The following DNAH7 variants were observed in gnomAD, a reference collection of about 807,000 sequenced individuals.
DNAH7 encodes the protein dynein axonemal heavy chain 7.
A neutral mutation model predicts 444.6 loss-of-function variants in DNAH7; 397 were observed. The observed-to-expected ratio is 0.89, with a 90% CI of 0.82 to 0.97. The LOEUF (loss-of-function observed/expected upper bound fraction) is 0.97, where lower values mean the gene tolerates loss of function less well. Among genes scored for constraint, DNAH7 ranks in the 50% least tolerant of loss-of-function variants. The probability of loss-of-function intolerance (pLI) is 0.00; values close to 1 mark genes in which losing one functional copy is unlikely to be tolerated. For missense variants in DNAH7, 4,902 were observed against 4,800.8 expected (o/e 1.02, Z -0.62); for synonymous variants, 1,636 against 1,624.4 (o/e 1.01, Z -0.17).
intron 22 of DNAH7, 21 bp downstream of exon 22, chr2:195,926,405 C>G: frequency 2.0e-6 from 3 of 1,483,104 alleles, no homozygotes; most frequent in South Asian, 1.5e-5. Flanking sequence ...TAAAAAAACC[C>G]GAGGGTTAAT....
At chr2:195,842,794 A>G (rs1698764562) in intron 47 of DNAH7, among the ~76,000 whole-genome samples, 1 of 152,144 alleles carries the variant, frequency 6.6e-6, no homozygotes, top group South Asian at 2.1e-4. Flanking sequence ...ATCCATCAAC[A>G]GTTCTATTAT....
At chr2:195,929,364 G>A (rs988867654) in intron 21 of DNAH7, among the ~76,000 whole-genome samples, 1 of 152,040 alleles carries the variant, frequency 6.6e-6, no homozygotes, top group African/African-American at 2.4e-5. Flanking sequence ...CACAGAACTG[G>A]AAAAAACCAT....
intron 63 of DNAH7, among the ~76,000 whole-genome samples, chr2:195,741,349 T>C (rs985127206): frequency 1.3e-5 from 2 of 152,356 alleles, no homozygotes; most frequent in Non-Finnish European, 2.9e-5. Flanking sequence ...GAATTTATTC[T>C]TACTGCCAAG....
chr2:195,967,165 ATATCT>A (rs1442107370), intron 17 of DNAH7, among the ~76,000 whole-genome samples: 3 of 152,130 alleles, frequency 2.0e-5, no homozygotes, highest in Non-Finnish European at 4.4e-5. Context: ...CTTGAAAATA[ATATCT>A]TATAACCCAT....
Position 195,919,508 on chromosome 2 carries a change from C to T in DNAH7, c.3935+2580G>A, listed in dbSNP as rs559539965. On this transcript the variant is annotated intron_variant, in intron 24 of 64. Coordinates refer to ENST00000312428, the MANE Select transcript of DNAH7 (RefSeq NM_018897.3). ...TACAGATGCACACCACCCCACCCAGCTAATTTTTATATTTTTAGTAGAGAC... is the reference window on the plus strand; with the variant it reads ...TACAGATGCACACCACCCCACCCAGTTAATTTTTATATTTTTAGTAGAGAC... 8.6e-5 allele frequency among the ~76,000 whole-genome samples: 13 copies of T among 151,990 alleles called. No homozygotes were observed. In the South Asian group the frequency reaches 2.7e-3, roughly 32 times the overall value.
At chr2:195,921,577 A>T (rs1360361243) in intron 24 of DNAH7, among the ~76,000 whole-genome samples, 3 of 152,100 alleles carry the variant, frequency 2.0e-5, no homozygotes, top group African/African-American at 7.2e-5. Flanking sequence ...GGCACAATGG[A>T]CTTTAGCGAC....
At chr2:196,065,529 C>T (rs1698383962) in intron 1 of DNAH7, among the ~76,000 whole-genome samples, 1 of 152,166 alleles carries the variant, frequency 6.6e-6, no homozygotes, top group African/African-American at 2.4e-5. Context: ...AGGCTGAATT[C>T]TACAGATGGA....
intron 17 of DNAH7, 68 bp from the exon 18 acceptor site, chr2:195,961,013 TA>T (rs1168111374): frequency 7.7e-7 from 1 of 1,293,408 alleles, no homozygotes; most frequent in Non-Finnish European, 1.0e-6. Flanking sequence ...TAAGTTTTTT[TA>T]AATATCTATT....
chr2:195,934,841 A>G (rs1368054146), intron 20 of DNAH7, 52 bp from the exon 21 acceptor site: 3 of 1,586,328 alleles, frequency 1.9e-6, no homozygotes, highest in Admixed American at 1.7e-5. Context: ...ACAATTCTTT[A>G]CACTCCAGAG....
rs1469600659 is a variant in DNAH7 at position 195,936,805 on chromosome 2, AT to A, written c.3079-14del. On this transcript the variant is annotated splice_polypyrimidine_tract_variant and intron_variant, in intron 19 of 64. Coordinates refer to ENST00000312428, the MANE Select transcript of DNAH7 (RefSeq NM_018897.3). The stretch of plus-strand genomic sequence containing the variant: ...GAACATGTTTATCCTAAAAATAAAA[AT>A]AAAAAACACTCAATTCAAAAATATT... 6.7e-7 allele frequency: 1 copy of A among 1,489,252 alleles called. No homozygotes were observed. Among genetic ancestry groups the A allele is most frequent in the Non-Finnish European group, 8.9e-7 (1 of 1,121,692 alleles). The allele number at this position is 1,489,252 out of a possible 1,614,324, so 92.3% of individuals were successfully genotyped here. A position where few individuals can be genotyped will look rare whatever the true frequency, so the allele number is the denominator to read the frequency against.
chr2:195,803,457 AAACTT>A (rs1261547307), intron 54 of DNAH7, among the ~76,000 whole-genome samples: 5 of 152,356 alleles, frequency 3.3e-5, no homozygotes, highest in African/African-American at 1.2e-4. Flanking sequence ...AAGCTGAACA[AAACTT>A]AACTTGCTCC....
At chr2:195,987,864 T>A in intron 13 of DNAH7, 93 bp downstream of exon 13, 1 of 1,212,136 alleles carries the variant, frequency 8.2e-7, no homozygotes, top group Middle Eastern at 2.9e-4. Flanking sequence ...ATGATAATGT[T>A]CTAATTATCT....
chr2:195,846,983 A>G (rs1478881612), intron 46 of DNAH7, among the ~76,000 whole-genome samples: 4 of 100,000 alleles, frequency 4.0e-5, no homozygotes, highest in African/African-American at 1.9e-4. Context: ...GTGTGTGTGT[A>G]TCCTATCAGT....
chr2:195,898,764 G>C (rs1686509562), intron 28 of DNAH7, among the ~76,000 whole-genome samples: 1 of 152,166 alleles, frequency 6.6e-6, no homozygotes, highest in Non-Finnish European at 1.5e-5. Context: ...GTTTAATAAA[G>C]TGTGTTTAAG....
rs895715281 is a variant in DNAH7 at position 195,900,380 on chromosome 2, T to C, written c.4450A>G (p.Thr1484Ala). Residue 1484 changes from threonine to alanine, a missense_variant, in exon 28 of 65, where the codon ACG becomes GCG. Transcript: ENST00000312428. ...ARPLSVKIVA[T>A]YRLCSEQLSS... ...AGCTGCTCTGAACACAAGCGATACG[T>C]AGCCACAATTTTTACAGACAGTGGT... 2 of 1,614,052 alleles carry C rather than the reference T, an allele frequency of 1.2e-6. No homozygotes were observed. Among genetic ancestry groups the C allele is most frequent in the African/African-American group, 2.7e-5 (2 of 75,030 alleles).
intron 36 of DNAH7, among the ~76,000 whole-genome samples, chr2:195,879,823 T>C (rs2125164395): frequency 6.6e-6 from 1 of 152,304 alleles, no homozygotes; most frequent in African/African-American, 2.4e-5. Flanking sequence ...TAATGAATAT[T>C]AAATATTGTA....
At chr2:195,755,106 A>G (rs1049915264) in intron 62 of DNAH7, among the ~76,000 whole-genome samples, 2 of 152,238 alleles carry the variant, frequency 1.3e-5, no homozygotes, top group Non-Finnish European at 2.9e-5. Flanking sequence ...GCTACACAAT[A>G]TATCATGTTA....
At chr2:195,944,990 T>C (rs189738864) in intron 19 of DNAH7, among the ~76,000 whole-genome samples, 23 of 151,826 alleles carry the variant, frequency 1.5e-4, no homozygotes, top group Admixed American at 1.3e-3. Flanking sequence ...TCTAAGAACA[T>C]AATTGATTGA....
intron 46 of DNAH7, among the ~76,000 whole-genome samples, chr2:195,851,213 A>T (rs1164496122): frequency 6.6e-6 from 1 of 152,208 alleles, no homozygotes; most frequent in Non-Finnish European, 1.5e-5. Flanking sequence ...CGCTGTTTTG[A>T]CCTGAGAGAA....
Sources: gnomAD v4.1 joint callset for allele counts (sites outside exome capture counted in the v4.1 genomes callset) on GRCh38, gnomAD v4.1.1 for gene constraint, MANE v1.5 for transcripts, NCBI Gene and HGNC (gene_info 2026-07-23, HGNC 2026-07-21) for gene names.